The following RTEL1 variants were observed in gnomAD, a reference collection of about 807,000 sequenced individuals.
RTEL1 encodes regulator of telomere elongation helicase 1, also known as regulator of telomere length.
In RTEL1, 86 loss-of-function variants were observed where a neutral mutation model predicts 162.2. The observed-to-expected ratio is 0.53, with a 90% CI of 0.45 to 0.63. RTEL1 has a LOEUF of 0.63. Ranked by LOEUF, RTEL1 falls within the 30% of genes least tolerant of loss-of-function variation. The probability of loss-of-function intolerance (pLI) is 0.00; values close to 1 mark genes in which losing one functional copy is unlikely to be tolerated. For synonymous variants in RTEL1, 958 were observed against 717.9 expected, an observed-to-expected ratio of 1.33 and a Z score of -5.35; for missense variants, 1,941 against 1,750.2, an observed-to-expected ratio of 1.11 and a Z score of -1.95.
rs2090635916 is a variant in RTEL1, at chr20:63,688,026, A to C, written c.1571A>C (p.Gln524Pro). Reference protein sequence around the residue: ...GVVPRGPDGAQLSSAFDRRFS... With the variant: ...GVVPRGPDGAPLSSAFDRRFS... ...GTCCCCAGAGGCCCCGATGGAGCCC[A>C]GTTGAGCTCCGCGTTTGACAGACGG... Residue 524 changes from glutamine (Q) to proline (P), a missense_variant, in exon 18 of 35, where the codon CAG becomes CCG. Transcript: ENST00000360203. 6.2e-7 allele frequency: 1 copy of C among 1,612,752 alleles called. No individual in the cohort carries two copies. The highest frequency in any genetic ancestry group is 8.5e-7 in the Non-Finnish European group (1 of 1,179,952).
At chr20:63,678,514 A>G (rs2090403670) in intron 12 of RTEL1, among the ~76,000 whole-genome samples, 168 bp downstream of exon 12, 1 of 151,954 alleles carries the variant, frequency 6.6e-6, no homozygotes. Flanking sequence ...GGTTGCTGAG[A>G]TGTTGAGAGG....
chr20:63,663,165 G>A (rs971667650), intron 6 of RTEL1, among the ~76,000 whole-genome samples: 8 of 152,220 alleles, frequency 5.3e-5, no homozygotes, highest in Non-Finnish European at 8.8e-5. Context: ...CTGATGAGAG[G>A]GTCTCCCTGC....
chr20:63,672,431 C>T (rs894305982), intron 8 of RTEL1, 125 bp from the exon 9 acceptor site: 39 of 782,452 alleles, frequency 5.0e-5, no homozygotes, highest in Middle Eastern at 3.4e-4. Flanking sequence ...CCTCTGCTCT[C>T]GACATCGCCG....
At position 63,693,260 on chromosome 20, in the gene RTEL1, C is replaced by G. The variant is rs370171864; in HGVS notation, c.2969C>G (p.Ala990Gly). Reference protein sequence around the residue: ...PEHSIPRRQRAQPVLDPTGRT... With the variant: ...PEHSIPRRQRGQPVLDPTGRT... ...CACAGCATTCCCCGAAGGCAGCGGG[C>G]ACAGCCGGTCCTGGACCCCACTGGT... The change falls in exon 30 of 35, where the codon GCA (alanine) becomes GGA (glycine). Residue 990 changes from alanine (A) to glycine (G), a missense_variant. Physicochemically the swap from Ala to Gly is moderately conservative, Grantham distance 60 (BLOSUM62 0). Coordinates refer to ENST00000360203, the MANE Select transcript of RTEL1 (RefSeq NM_001283009.2). 6.2e-7 allele frequency: 1 copy of G among 1,611,798 alleles called. No homozygotes were observed. Among genetic ancestry groups the G allele is most frequent in the Non-Finnish European group, 8.5e-7 (1 of 1,179,438 alleles).
chr20:63,691,756 C>A lies in RTEL1; in HGVS notation c.2571C>A (p.Ser857=). The A allele has an allele frequency of 6.2e-7, 1 of 1,612,416 alleles. No individual in the cohort carries two copies. Among genetic ancestry groups the A allele is most frequent in the Non-Finnish European group, 8.5e-7 (1 of 1,179,760 alleles). ...GTCCTCCTCAGGCCCACAGCTGCTC[C>A]ACCCTGTCCCTCCTGTCTGAGAAGA... ...SPGEEQAHSC[S]TLSLLSEKRP... Residue 857 remains serine (S), a synonymous_variant, in exon 28 of 35, where the codon TCC becomes TCA. Coordinates refer to ENST00000360203, the MANE Select transcript of RTEL1 (RefSeq NM_001283009.2).
At chr20:63,675,907 A>AC (rs2090340229) in intron 10 of RTEL1, among the ~76,000 whole-genome samples, 1 of 150,800 alleles carries the variant, frequency 6.6e-6, no homozygotes, top group South Asian at 2.1e-4. Context: ...ACATCCACCC[A>AC]CCCCCAGGCC....
chr20:63,662,844 A>C lies in RTEL1; in HGVS notation c.493A>C (p.Lys165Gln). 6.2e-7 allele frequency: 1 copy of C among 1,613,908 alleles called. No homozygotes were observed. The highest frequency in any genetic ancestry group is 1.6e-4 in the Middle Eastern group (1 of 6,062). Reference sequence around the variant, plus strand: ...CCTCCCACAGATCCACTTGTGCCGTAAGAAGGTGGCAAGTCGCTCCTGTCA... The same window carrying C: ...CCTCCCACAGATCCACTTGTGCCGTCAGAAGGTGGCAAGTCGCTCCTGTCA... Reference protein sequence around the residue: ...SNHLQIHLCRKKVASRSCHFY... With the variant: ...SNHLQIHLCRQKVASRSCHFY... The change falls in exon 6 of 35, where the codon AAG becomes CAG. Residue 165 changes from lysine (K) to glutamine (Q), a missense_variant. Lys to Gln is a moderately conservative substitution (Grantham distance 53). Transcript: ENST00000360203.
intron 7 of RTEL1, among the ~76,000 whole-genome samples, chr20:63,666,638 C>T (rs1285680528): frequency 6.6e-6 from 1 of 152,056 alleles, no homozygotes; most frequent in Non-Finnish European, 1.5e-5. Context: ...CAGGCTCAAG[C>T]GATTTTCCCA....
chr20:63,689,027 G>C (rs2090662134), intron 21 of RTEL1, 28 bp from the exon 22 acceptor site: 1 of 1,599,132 alleles, frequency 6.3e-7, no homozygotes, highest in Non-Finnish European at 8.5e-7. Context: ...GGGGGCTCCA[G>C]GCTCAGCCTC....
rs138120257 is a variant in RTEL1 at position 63,689,020 on chromosome 20, G to A, written c.1801-35G>A. On this transcript the variant is annotated intron_variant, in intron 21 of 34. Coordinates refer to ENST00000360203, the MANE Select transcript of RTEL1 (RefSeq NM_001283009.2). ...ATGGGGGAGGAAGGGGCTGGGGGGG[G>A]GCTCCAGGCTCAGCCTCACCAACTT... is the stretch of plus-strand genomic sequence containing the variant. 797 of 1,578,782 alleles carry A rather than the reference G, an allele frequency of 5.0e-4. 1 individual carries two copies. The highest frequency in any genetic ancestry group is 6.5e-4 in the Non-Finnish European group (749 of 1,153,336).
intron 26 of RTEL1, 54 bp downstream of exon 26, chr20:63,690,495 T>TTGGGGGGGGGGGGTGGGGGGGGGGG: frequency 1.7e-6 from 1 of 594,928 alleles, no homozygotes; most frequent in Non-Finnish European, 2.7e-6. Flanking sequence ...GCGGGCGGCG[T>TTGGGGGGGGGGGGTGGGGGGGGGGG]GGGGCGGGCA....
At chr20:63,691,675 A>G (rs1601176282) in intron 27 of RTEL1, 67 bp from the exon 28 acceptor site, 1 of 1,394,084 alleles carries the variant, frequency 7.2e-7, no homozygotes, top group East Asian at 2.3e-5. Context: ...CTGTGCGTCC[A>G]GGTGCTTTGG....
At position 63,695,401 on chromosome 20, in the gene RTEL1, G is replaced by C. The variant is rs77864051; in HGVS notation, c.3573G>C (p.Gly1191=). ...ISSFLRQRPA[G]TVGAGGEDAG... ...CCTTCCTTAGACAGAGGCCAGCAGG[G>C]ACTGTGGGGGCGGGCGGTGAGGATG... The change falls in exon 34 of 35, where the codon GGG becomes GGC. Residue 1191 remains glycine, a synonymous_variant. Coordinates refer to ENST00000360203, the MANE Select transcript of RTEL1 (RefSeq NM_001283009.2). The C allele has an allele frequency of 6.4e-7, 1 of 1,558,670 alleles. No homozygotes were observed. Among genetic ancestry groups the C allele is most frequent in the Non-Finnish European group, 8.7e-7 (1 of 1,151,772 alleles).
In RTEL1 at chr20:63,693,200, A is replaced by G. The variant is rs2090804992; in HGVS notation, c.2909A>G (p.Gln970Arg). 6.2e-7 allele frequency: 1 copy of G among 1,612,162 alleles called. No individual in the cohort carries two copies. The highest frequency in any genetic ancestry group is 1.7e-4 in the Middle Eastern group (1 of 6,058). The change falls in exon 30 of 35, where the codon CAG becomes CGG. Residue 970 changes from glutamine (Q) to arginine (R), a missense_variant. By Grantham distance (43) the Gln-to-Arg change is conservative. Transcript: ENST00000360203. The stretch of plus-strand genomic sequence containing the variant: ...CAGCAGTTTGAGGAGGTCTGTATCC[A>G]GCTGACAGGACGAGGCTGTGGCTAT... The part of the protein sequence containing the change: ...HKQQFEEVCI[Q>R]LTGRGCGYRP...
At chr20:63,690,756 C>G in intron 26 of RTEL1, 49 bp from the exon 27 acceptor site, 1 of 1,548,898 alleles carries the variant, frequency 6.5e-7, no homozygotes, top group South Asian at 1.2e-5. Flanking sequence ...GCAGGGACCC[C>G]AGCTGGGGCC....
intron 7 of RTEL1, among the ~76,000 whole-genome samples, chr20:63,666,683 A>G (rs2738779): frequency 1 from 152,113 of 152,118 alleles, 76,054 homozygotes; most frequent in Non-Finnish European, 1. Flanking sequence ...CTGCAGGCAC[A>G]CACCACCATG....
rs574619197 is a variant in RTEL1, at chr20:63,691,892, C to G, written c.2652+55C>G. The G allele has an allele frequency of 3.4e-4, 505 of 1,470,722 alleles. 1 individual carries two copies. The highest frequency in any genetic ancestry group is 4.0e-4 in the Non-Finnish European group (431 of 1,065,582). 91.1% of individuals were successfully genotyped at this position (1,470,722 alleles called of 1,614,324 possible). On this transcript the variant is annotated intron_variant, in intron 28 of 34. Transcript: ENST00000360203. Reference sequence around the variant, plus strand: ...ACCACCATAGACACGCATGGGAACGCAGCCGTGGGTGCCCCCAGCCACGGC... The same window carrying G: ...ACCACCATAGACACGCATGGGAACGGAGCCGTGGGTGCCCCCAGCCACGGC...
intron 8 of RTEL1, among the ~76,000 whole-genome samples, chr20:63,670,970 G>A (rs960547680): frequency 1.1e-4 from 16 of 152,350 alleles, no homozygotes; most frequent in East Asian, 3.9e-4. Context: ...AGCCACGGGC[G>A]TGGACTGTGG....
rs141423196 is a variant in RTEL1 at position 63,690,206 on chromosome 20, G to A, written c.2261G>A (p.Arg754Gln). The change falls in exon 25 of 35, where the codon CGA becomes CAA. Residue 754 changes from arginine to glutamine, a missense_variant. By Grantham distance (43) the Arg-to-Gln change is conservative. Coordinates refer to ENST00000360203, the MANE Select transcript of RTEL1 (RefSeq NM_001283009.2). ...GCCCAGTTCTTCCGTGTTGCCGAGC[G>A]AACTGTGAGTTCCTGCCCAGGGAGG... ...DVAQFFRVAE[R>Q]TMPAPAPRAT... 303 of 1,612,164 alleles carry A rather than the reference G, an allele frequency of 1.9e-4. 1 individual carries two copies. Among genetic ancestry groups the A allele is most frequent in the Non-Finnish European group, 2.3e-4 (268 of 1,179,644 alleles).
Sources: allele counts gnomAD v4.1 joint callset (sites outside exome capture counted in the v4.1 genomes callset), GRCh38; gene constraint gnomAD v4.1.1; transcripts MANE v1.5; gene names NCBI Gene and HGNC (gene_info 2026-07-23, HGNC 2026-07-21).